PPM1E: variants seen among roughly 807,000 people sequenced by gnomAD.
The protein encoded by PPM1E is protein phosphatase 1E.
Under a neutral mutation model 65.9 loss-of-function variants are expected in PPM1E, and 20 were observed. That is an observed-to-expected ratio of 0.30 (90% CI 0.21 to 0.44). The LOEUF is 0.44. Among genes scored for constraint, PPM1E ranks in the 20% least tolerant of loss-of-function variants. The pLI is 1.00. For missense variants in PPM1E, 713 were observed against 953.1 expected (o/e 0.75, Z 3.32); for synonymous variants, 352 against 374.9 (o/e 0.94, Z 0.70).
chr17:58,805,243 G>T (rs1265783763), intron 1 of PPM1E, among the ~76,000 whole-genome samples: 1 of 151,960 alleles, frequency 6.6e-6, no homozygotes, highest in Non-Finnish European at 1.5e-5. Flanking sequence ...TACCCAATGT[G>T]TAGTCTTTCT....
At chr17:58,873,589 T>TTAG (rs1275187646) in intron 1 of PPM1E, among the ~76,000 whole-genome samples, 2 of 146,792 alleles carry the variant, frequency 1.4e-5, no homozygotes, top group Non-Finnish European at 1.5e-5. Flanking sequence ...ATTATTATTA[T>TTAG]TATTATTATT....
intron 1 of PPM1E, among the ~76,000 whole-genome samples, chr17:58,887,997 G>T (rs527812375): frequency 3.3e-5 from 5 of 152,290 alleles, no homozygotes; most frequent in African/African-American, 1.2e-4. Context: ...TACGTGAAGG[G>T]AAGAATCAAG....
At chr17:58,767,682 G>A (rs1031575305) in intron 1 of PPM1E, among the ~76,000 whole-genome samples, 2 of 151,976 alleles carry the variant, frequency 1.3e-5, no homozygotes, top group Non-Finnish European at 2.9e-5. Context: ...CGCTCTTGTT[G>A]CTCAGGCTGG....
At chr17:58,808,791 G>A (rs982034777) in intron 1 of PPM1E, among the ~76,000 whole-genome samples, 1 of 151,892 alleles carries the variant, frequency 6.6e-6, no homozygotes, top group African/African-American at 2.4e-5. Context: ...GTCACTCTTG[G>A]CACACTTGTT....
chr17:58,958,919 A>C (rs2029935284), intron 2 of PPM1E, among the ~76,000 whole-genome samples: 1 of 152,106 alleles, frequency 6.6e-6, no homozygotes, highest in East Asian at 1.9e-4. Flanking sequence ...AACTGCACGG[A>C]AAAAGAAGGA....
chr17:58,880,498 T>C (rs1244009098), intron 1 of PPM1E, among the ~76,000 whole-genome samples: 1 of 152,164 alleles, frequency 6.6e-6, no homozygotes, highest in Non-Finnish European at 1.5e-5. Context: ...TCAGGGAAAA[T>C]CTGACGATAT....
At chr17:58,825,224 T>A (rs9899820) in intron 1 of PPM1E, among the ~76,000 whole-genome samples, 24 of 140,110 alleles carry the variant, frequency 1.7e-4, no homozygotes, top group Admixed American at 2.2e-4. Flanking sequence ...ACACACACAC[T>A]CACACACACA....
chr17:58,941,683 C>G (rs542430036), intron 1 of PPM1E, among the ~76,000 whole-genome samples: 52 of 109,460 alleles, frequency 4.8e-4, no homozygotes, highest in African/African-American at 1.8e-3. Flanking sequence ...CAGAGCAAGA[C>G]TCCATCTCAA....
chr17:58,906,861 T>A (rs1272795660), intron 1 of PPM1E, among the ~76,000 whole-genome samples: 2 of 152,254 alleles, frequency 1.3e-5, no homozygotes, highest in East Asian at 3.8e-4. Flanking sequence ...CAGATTTTAA[T>A]AAGCTGTGCT....
intron 1 of PPM1E, among the ~76,000 whole-genome samples, chr17:58,937,597 C>T (rs575504400): frequency 1.4e-4 from 20 of 146,922 alleles, no homozygotes; most frequent in African/African-American, 4.7e-4. Flanking sequence ...ATGCCTACGG[C>T]CGGGTGTGGT....
intron 1 of PPM1E, among the ~76,000 whole-genome samples, chr17:58,946,755 A>G (rs1164024380): frequency 6.6e-6 from 1 of 152,102 alleles, no homozygotes; most frequent in African/African-American, 2.4e-5. Context: ...AGATTTGCAA[A>G]TATTTTCTAC....
At chr17:58,802,570 G>A (rs1468046399) in intron 1 of PPM1E, among the ~76,000 whole-genome samples, 1 of 151,804 alleles carries the variant, frequency 6.6e-6, no homozygotes, top group African/African-American at 2.4e-5. Flanking sequence ...TCTATTTTTT[G>A]TGGAAAATAC....
chr17:58,909,825 T>C (rs2051602312), intron 1 of PPM1E, among the ~76,000 whole-genome samples: 1 of 152,008 alleles, frequency 6.6e-6, no homozygotes, highest in African/African-American at 2.4e-5. Flanking sequence ...CTTGGTGTTC[T>C]CTGAGATTTC....
intron 1 of PPM1E, among the ~76,000 whole-genome samples, chr17:58,874,076 C>T (rs977045186): frequency 2.8e-4 from 43 of 152,018 alleles, no homozygotes; most frequent in African/African-American, 9.9e-4. Flanking sequence ...GAAAAAAATA[C>T]GTTAAGGTAT....
At chr17:58,927,380 T>C (rs1373338128) in intron 1 of PPM1E, among the ~76,000 whole-genome samples, 1 of 152,068 alleles carries the variant, frequency 6.6e-6, no homozygotes, top group Non-Finnish European at 1.5e-5. Context: ...TCTGCCCGCC[T>C]TGGCCTCCCA....
intron 1 of PPM1E, among the ~76,000 whole-genome samples, chr17:58,815,225 T>A (rs888866355): frequency 6.6e-6 from 1 of 152,236 alleles, no homozygotes; most frequent in African/African-American, 2.4e-5. Context: ...AACTAGAAAT[T>A]ATAAGACATT....
chr17:58,767,928 C>G (rs1300447370), intron 1 of PPM1E, among the ~76,000 whole-genome samples: 1 of 150,670 alleles, frequency 6.6e-6, no homozygotes, highest in Admixed American at 6.6e-5. Flanking sequence ...AGGTGTGAGC[C>G]ACCACGCCCA....
intron 1 of PPM1E, among the ~76,000 whole-genome samples, chr17:58,888,815 G>A (rs903791792): frequency 6.6e-6 from 1 of 152,174 alleles, no homozygotes; most frequent in African/African-American, 2.4e-5. Flanking sequence ...TTCATAATAT[G>A]TAGCTCTTAA....
At chr17:58,917,545 GCT>G (rs1352002784) in intron 1 of PPM1E, among the ~76,000 whole-genome samples, 1 of 152,148 alleles carries the variant, frequency 6.6e-6, no homozygotes, top group Non-Finnish European at 1.5e-5. Flanking sequence ...ATAGACAGTA[GCT>G]CTCTGCAATC....
Sources: allele counts gnomAD v4.1 joint callset (sites outside exome capture counted in the v4.1 genomes callset), GRCh38; gene constraint gnomAD v4.1.1; transcripts MANE v1.5; gene names NCBI Gene and HGNC (gene_info 2026-07-23, HGNC 2026-07-21).